GABRG3: variants seen among roughly 807,000 people sequenced by gnomAD.
GABRG3 encodes gamma-aminobutyric acid type A receptor subunit gamma3.
GABRG3 carries 25 observed loss-of-function variants against 48.8 expected under a neutral mutation model. That is an observed-to-expected ratio of 0.51 (90% confidence interval 0.37 to 0.72). The LOEUF is 0.72. GABRG3 is among the 30% of genes least tolerant of loss of function. GABRG3 has a pLI of 0.00. For synonymous variants in GABRG3, 227 were observed against 217.6 expected, an observed-to-expected ratio of 1.04 and a Z score of -0.38; for missense variants, 394 against 577.9, an observed-to-expected ratio of 0.68 and a Z score of 3.26.
chr15:27,527,720 C>T (rs961189302), intron 8 of GABRG3, 91 bp downstream of exon 8: 11 of 1,247,690 alleles, frequency 8.8e-6, no homozygotes, highest in Admixed American at 8.6e-5. Context: ...TCCTAAGGAT[C>T]GTACAAAGCA....
In GABRG3 at chr15:27,386,712, G is replaced by A. The variant is rs1895933300; in HGVS notation, c.574+57824G>A. On this transcript the variant is annotated intron_variant, in intron 5 of 9. Transcript: ENST00000615808. ...GATGTGAGCAACCCCTGGCTAAGATGCTACAGACTCCGCTGTTTATAACCA... is the reference window on the plus strand; with the variant it reads ...GATGTGAGCAACCCCTGGCTAAGATACTACAGACTCCGCTGTTTATAACCA... Among the ~76,000 whole-genome samples the A allele has an allele frequency of 2.6e-5, 4 of 152,136 alleles. No homozygotes were observed. In the South Asian group the frequency reaches 8.3e-4, roughly 32 times the overall value.
chr15:27,174,485 GA>G (rs1887675259), intron 3 of GABRG3, among the ~76,000 whole-genome samples: 1 of 152,034 alleles, frequency 6.6e-6, no homozygotes, highest in Non-Finnish European at 1.5e-5. Flanking sequence ...TATTGTACAG[GA>G]AAGGGAGGAT....
intron 3 of GABRG3, among the ~76,000 whole-genome samples, chr15:27,233,261 C>T (rs757709632): frequency 3.7e-4 from 56 of 152,256 alleles, no homozygotes; most frequent in Admixed American, 1.0e-3. Context: ...GGTTTTATTT[C>T]GTGGAACCTT....
chr15:27,308,177 T>C (rs192351300), intron 3 of GABRG3, among the ~76,000 whole-genome samples: 908 of 50,486 alleles, frequency 0.018, 24 homozygotes, highest in South Asian at 0.031. Context: ...TATGTTTATA[T>C]ATCCAAACAT....
intron 2 of GABRG3, among the ~76,000 whole-genome samples, chr15:27,019,802 G>A (rs917348775): frequency 4.6e-5 from 7 of 152,128 alleles, no homozygotes; most frequent in South Asian, 4.1e-4. Flanking sequence ...CCTCTTATGC[G>A]TTGGGGGCAT....
intron 3 of GABRG3, among the ~76,000 whole-genome samples, chr15:27,200,748 C>T (rs1248486722): frequency 6.6e-6 from 1 of 152,106 alleles, no homozygotes; most frequent in African/African-American, 2.4e-5. Context: ...ATGGTGATGT[C>T]TCAATAACAT....
At chr15:27,472,239 T>C (rs1429451195) in intron 5 of GABRG3, among the ~76,000 whole-genome samples, 1 of 152,116 alleles carries the variant, frequency 6.6e-6, no homozygotes, top group African/African-American at 2.4e-5. Context: ...AATTAATTCC[T>C]TTCTGTCTTC....
At chr15:27,358,465 G>A (rs1001386386) in intron 5 of GABRG3, among the ~76,000 whole-genome samples, 21 of 152,120 alleles carry the variant, frequency 1.4e-4, no homozygotes, top group African/African-American at 5.1e-4. Flanking sequence ...AGACGGGGAG[G>A]GAAGTGCAGA....
chr15:27,532,450 C>T (rs1375314275), intron 9 of GABRG3, 150 bp from the exon 10 acceptor site: 1 of 397,458 alleles, frequency 2.5e-6, no homozygotes, highest in Admixed American at 4.6e-5. Context: ...AAAAAAAAGA[C>T]CAACTCTCTC....
At chr15:27,224,016 G>A (rs564797117) in intron 3 of GABRG3, among the ~76,000 whole-genome samples, 28 of 152,320 alleles carry the variant, frequency 1.8e-4, no homozygotes, top group Admixed American at 1.7e-3. Flanking sequence ...GAAGATGCAG[G>A]TGAGAAGCCT....
chr15:27,195,127 C>T (rs113840592), intron 3 of GABRG3, among the ~76,000 whole-genome samples: 151,426 of 152,298 alleles, frequency 0.99, 75,278 homozygotes, highest in East Asian at 1. Flanking sequence ...GAATTTCTTT[C>T]AGGAATTTCT....
chr15:26,996,199 A>G (rs1331597602), intron 2 of GABRG3, among the ~76,000 whole-genome samples: 1 of 152,016 alleles, frequency 6.6e-6, no homozygotes. Context: ...TATCTTTATT[A>G]GGGCTTTTTG....
At chr15:27,311,623 T>G (rs1169443725) in intron 3 of GABRG3, among the ~76,000 whole-genome samples, 1 of 151,728 alleles carries the variant, frequency 6.6e-6, no homozygotes, top group African/African-American at 2.4e-5. Flanking sequence ...CAAATGTCAG[T>G]TTCTCCCTGG....
At chr15:27,466,588 C>A (rs919717404) in intron 5 of GABRG3, among the ~76,000 whole-genome samples, 10 of 152,150 alleles carry the variant, frequency 6.6e-5, no homozygotes, top group African/African-American at 2.4e-4. Context: ...ATGCAACAGA[C>A]CGGGAAGCTA....
rs1233685731 is a variant in GABRG3, at chr15:27,236,648, T to A, written c.271-90161T>A. 6.6e-6 allele frequency among the ~76,000 whole-genome samples: 1 copy of A among 152,156 alleles called. No homozygotes were observed. Among genetic ancestry groups the A allele is most frequent in the Non-Finnish European group, 1.5e-5 (1 of 68,022 alleles). ...GTTTCACAATACACCTGTTCCTGATTAGAGACCACCAGCCACAGAGTGGCT... is the reference window on the plus strand; with the variant it reads ...GTTTCACAATACACCTGTTCCTGATAAGAGACCACCAGCCACAGAGTGGCT... On this transcript the variant is annotated intron_variant, in intron 3 of 9. Transcript: ENST00000615808. This position sits in a 1 kb window ranked among gnomAD's most constrained non-coding sequence, Gnocchi z 4.4.
chr15:27,505,189 T>C (rs955092111), intron 6 of GABRG3, among the ~76,000 whole-genome samples: 2 of 152,198 alleles, frequency 1.3e-5, no homozygotes, highest in African/African-American at 4.8e-5. Context: ...AAATATTTTG[T>C]AGAATGTCCT....
At chr15:27,146,549 C>A (rs138780993) in intron 3 of GABRG3, among the ~76,000 whole-genome samples, 164 of 152,150 alleles carry the variant, frequency 1.1e-3, no homozygotes, top group Non-Finnish European at 2.1e-3. Context: ...TTTATTTTTT[C>A]TCCTATCAAA....
chr15:27,425,598 G>A lies in GABRG3; in HGVS notation c.575-55052G>A, dbSNP rs146683036. Among the ~76,000 whole-genome samples, 1,185 of 152,050 alleles carry A rather than the reference G, an allele frequency of 7.8e-3. 13 individuals are homozygous for A. Among genetic ancestry groups the A allele is most frequent in the African/African-American group, 0.028 (1,141 of 41,464 alleles). ...TGCACACCAGCCTGGGTGACAGAGC[G>A]AGACTCCATCTCAAAAAAAAAGAAG... On this transcript the variant is annotated intron_variant, in intron 5 of 9. Coordinates refer to ENST00000615808, the MANE Select transcript of GABRG3 (RefSeq NM_033223.5).
At chr15:27,261,685 A>G (rs909692352) in intron 3 of GABRG3, among the ~76,000 whole-genome samples, 3 of 152,122 alleles carry the variant, frequency 2.0e-5, no homozygotes, top group South Asian at 2.1e-4. Flanking sequence ...AGTAAAAACT[A>G]TCCCTTTCCT....
Sources: allele counts gnomAD v4.1 joint callset (sites outside exome capture counted in the v4.1 genomes callset), GRCh38; gene constraint gnomAD v4.1.1; non-coding constraint Gnocchi (gnomAD v3.1); transcripts MANE v1.5; gene names NCBI Gene and HGNC (gene_info 2026-07-23, HGNC 2026-07-21).